The following RASEF variants were observed in gnomAD, a reference collection of about 807,000 sequenced individuals.
RASEF encodes the protein ras and EF-hand domain-containing protein.
RASEF carries 68 observed loss-of-function variants against 90.1 expected under a neutral mutation model. The ratio of observed to expected loss-of-function variants is 0.75; its 90% CI spans 0.62 to 0.92. The LOEUF (loss-of-function observed/expected upper bound fraction) is 0.92, where lower values mean the gene tolerates loss of function less well. Among genes scored for constraint, RASEF ranks in the 40% least tolerant of loss-of-function variants. The probability of loss-of-function intolerance (pLI) is 0.00; values close to 1 mark genes in which losing one functional copy is unlikely to be tolerated. For synonymous variants in RASEF, 331 were observed against 345.2 expected (o/e 0.96, Z 0.46); for missense variants, 949 against 937.2 (o/e 1.01, Z -0.16).
the RASEF span, among the ~76,000 whole-genome samples, chr9:83,168,650 G>T: frequency 6.6e-6 from 1 of 152,098 alleles, no homozygotes; most frequent in South Asian, 2.1e-4. Flanking sequence ...AAAATGGGCA[G>T]AAGATCTGAA....
chr9:83,010,854 G>A (rs1356971152), intron 5 of RASEF, among the ~76,000 whole-genome samples: 6 of 151,818 alleles, frequency 4.0e-5, no homozygotes, highest in African/African-American at 7.3e-5. Context: ...TGTTCACACC[G>A]TCCCACAGGA....
the RASEF span, among the ~76,000 whole-genome samples, chr9:83,156,695 G>A: frequency 6.6e-6 from 1 of 152,140 alleles, no homozygotes; most frequent in African/African-American, 2.4e-5. Flanking sequence ...GAACCTTCCT[G>A]GCTTGCACAG....
the RASEF span, among the ~76,000 whole-genome samples, chr9:83,137,012 C>G: frequency 2.0e-5 from 3 of 151,992 alleles, no homozygotes; most frequent in Non-Finnish European, 4.4e-5. Context: ...TATCCTTTGT[C>G]AGTTTTTATT....
At chr9:83,176,281 T>A in the RASEF span, among the ~76,000 whole-genome samples, 1 of 152,206 alleles carries the variant, frequency 6.6e-6, no homozygotes, top group Admixed American at 6.5e-5. Context: ...TGTTTTAATA[T>A]CTGTTTGTCT....
chr9:83,178,044 T>A, the RASEF span, among the ~76,000 whole-genome samples: 1 of 152,184 alleles, frequency 6.6e-6, no homozygotes, highest in Non-Finnish European at 1.5e-5. Context: ...TACTGATAAT[T>A]TCTAAAGACT....
At chr9:83,196,503 G>T in the RASEF span, among the ~76,000 whole-genome samples, 36 of 152,274 alleles carry the variant, frequency 2.4e-4, no homozygotes, top group East Asian at 7.7e-4. Flanking sequence ...GGGCAAAAAG[G>T]TCTCGTATGT....
At chr9:83,196,332 TGGG>T in the RASEF span, among the ~76,000 whole-genome samples, 1 of 151,998 alleles carries the variant, frequency 6.6e-6, no homozygotes, top group East Asian at 1.9e-4. Context: ...GCACCTGGGA[TGGG>T]GGAGCTGTGG....
chr9:83,101,721 A>G, the RASEF span, among the ~76,000 whole-genome samples: 1 of 152,236 alleles, frequency 6.6e-6, no homozygotes, highest in African/African-American at 2.4e-5. Context: ...ATTAGTGAAT[A>G]CTGAACCATA....
chr9:83,015,727 A>G, intron 4 of RASEF, 78 bp downstream of exon 4: 2 of 1,015,668 alleles, frequency 2.0e-6, no homozygotes, highest in Non-Finnish European at 3.1e-6. Flanking sequence ...TAGGATTCCA[A>G]ATGTTTTTGG....
At chr9:83,206,463 G>T in the RASEF span, among the ~76,000 whole-genome samples, 1 of 152,172 alleles carries the variant, frequency 6.6e-6, no homozygotes, top group Non-Finnish European at 1.5e-5. Context: ...CATGGAAAAT[G>T]CCAGCACCTC....
the RASEF span, among the ~76,000 whole-genome samples, chr9:83,165,519 T>C: frequency 6.6e-6 from 1 of 152,110 alleles, no homozygotes; most frequent in African/African-American, 2.4e-5. Context: ...GAAATTTATA[T>C]TAATAGCATT....
the RASEF span, among the ~76,000 whole-genome samples, chr9:83,172,089 T>C: frequency 6.6e-6 from 1 of 151,736 alleles, no homozygotes; most frequent in Admixed American, 6.6e-5. Flanking sequence ...TGTCATCCTA[T>C]AGGTATGGTA....
chr9:83,102,693 A>G, the RASEF span, among the ~76,000 whole-genome samples: 1 of 152,152 alleles, frequency 6.6e-6, no homozygotes, highest in Admixed American at 6.5e-5. Context: ...CAGACATGGG[A>G]GAGGCAGGGT....
At chr9:83,089,955 T>TAG in the RASEF span, among the ~76,000 whole-genome samples, 2 of 151,402 alleles carry the variant, frequency 1.3e-5, no homozygotes, top group African/African-American at 4.9e-5. Context: ...GATATAGATA[T>TAG]ATAGATATAG....
intron 12 of RASEF, among the ~76,000 whole-genome samples, chr9:82,999,330 C>G (rs1828980309): frequency 6.6e-6 from 1 of 152,156 alleles, no homozygotes; most frequent in Admixed American, 6.5e-5. Flanking sequence ...CATATTGTCA[C>G]TTTGTCAACA....
At chr9:83,000,408 T>C (rs751687989) in intron 11 of RASEF, 25 bp downstream of exon 11, 2 of 1,612,692 alleles carry the variant, frequency 1.2e-6, no homozygotes, top group Non-Finnish European at 8.5e-7. Flanking sequence ...TGTTCATGAA[T>C]AGGAGTGTCT....
the RASEF span, among the ~76,000 whole-genome samples, chr9:83,163,524 A>G: frequency 3.9e-5 from 6 of 152,334 alleles, no homozygotes; most frequent in East Asian, 1.2e-3. Context: ...CAAGAAGATG[A>G]AAATTCTAAG....
chr9:83,012,469 C>G lies in RASEF; in HGVS notation c.808G>C (p.Ala270Pro). 6.3e-7 allele frequency: 1 copy of G among 1,589,482 alleles called. No individual in the cohort carries two copies. Among genetic ancestry groups the G allele is most frequent in the South Asian group, 1.1e-5 (1 of 87,068 alleles). The change falls in exon 5 of 17, where the codon GCT becomes CCT. Residue 270 changes from alanine to proline, a missense_variant. Physicochemically the swap from Ala to Pro is conservative, Grantham distance 27. Around this residue, in one of 3 missense-constraint regions of RASEF, gnomAD observed 656 missense variants for 592.2 expected, o/e 1.11. Transcript: ENST00000376447. ...SKRVSQKEDV[A>P]ALKKQIYDLS... is the part of the protein sequence containing the mutation. ...TCATAAATTTGTTTTTTCAATGCAG[C>G]CACATCTTCCTTTTGACTTACGCGT...
chr9:83,042,509 C>T (rs74822937), intron 1 of RASEF, among the ~76,000 whole-genome samples: 3 of 152,236 alleles, frequency 2.0e-5, no homozygotes, highest in African/African-American at 7.2e-5. Context: ...ATGTTTTGTG[C>T]TTATCTCTCT....
Sources: allele counts gnomAD v4.1 joint callset (sites outside exome capture counted in the v4.1 genomes callset), GRCh38; gene constraint gnomAD v4.1.1; regional missense constraint gnomAD v4.1.1; transcripts MANE v1.5; gene names NCBI Gene and HGNC (gene_info 2026-07-23, HGNC 2026-07-21).